FGF14: variants seen among roughly 807,000 people sequenced by gnomAD.
FGF14 encodes the protein fibroblast growth factor homologous factor 4.
A neutral mutation model predicts 25.5 loss-of-function variants in FGF14; 5 were observed. The observed-to-expected ratio is 0.20, with a 90% CI of 0.10 to 0.41. The LOEUF (loss-of-function observed/expected upper bound fraction) is 0.41. Ranked by LOEUF, FGF14 falls within the 10% of genes least tolerant of loss-of-function variation. The pLI is 1.00. For synonymous variants in FGF14, 138 were observed against 118.3 expected, an observed-to-expected ratio of 1.17 and a Z score of -1.08; for missense variants, 222 against 320.1, an observed-to-expected ratio of 0.69 and a Z score of 2.34.
chr13:101,858,850 A>G (rs1302074421), intron 3 of FGF14, among the ~76,000 whole-genome samples: 1 of 152,096 alleles, frequency 6.6e-6, no homozygotes, highest in South Asian at 2.1e-4. Flanking sequence ...TTGCTTTAAA[A>G]CGTTCAAGTT....
chr13:102,185,368 A>G (rs9284192), intron 1 of FGF14, among the ~76,000 whole-genome samples: 4,674 of 152,274 alleles, frequency 0.031, 257 homozygotes, highest in African/African-American at 0.11. Flanking sequence ...TGGAAAGGCC[A>G]CAACACAGTG....
intron 1 of FGF14, among the ~76,000 whole-genome samples, chr13:102,278,855 A>G (rs1325463248): frequency 6.6e-6 from 1 of 152,146 alleles, no homozygotes; most frequent in Admixed American, 6.5e-5. Context: ...GATGAAGTAT[A>G]AACACAGAGC....
chr13:102,015,818 C>T (rs576037879), intron 1 of FGF14, among the ~76,000 whole-genome samples: 1 of 152,250 alleles, frequency 6.6e-6, no homozygotes, highest in East Asian at 1.9e-4. Flanking sequence ...GACTTAAAGA[C>T]ACAATATGCA....
chr13:102,390,068 T>C (rs139844150), intron 1 of FGF14, among the ~76,000 whole-genome samples: 2 of 152,324 alleles, frequency 1.3e-5, no homozygotes, highest in African/African-American at 2.4e-5. Flanking sequence ...GGAAACAATA[T>C]GTTGAGTGAA....
At chr13:102,185,695 A>C (rs951883053) in intron 1 of FGF14, among the ~76,000 whole-genome samples, 2 of 152,198 alleles carry the variant, frequency 1.3e-5, no homozygotes, top group Non-Finnish European at 2.9e-5. Flanking sequence ...TGATATAGTG[A>C]AAGGAGCCCA....
intron 1 of FGF14, among the ~76,000 whole-genome samples, chr13:102,112,720 T>C (rs1432310780): frequency 6.6e-6 from 1 of 152,208 alleles, no homozygotes; most frequent in African/African-American, 2.4e-5. Context: ...TTTATCAAAT[T>C]ATTTGATTTT....
intron 1 of FGF14, among the ~76,000 whole-genome samples, chr13:102,156,854 T>C (rs2047367279): frequency 6.6e-6 from 1 of 152,152 alleles, no homozygotes; most frequent in African/African-American, 2.4e-5. Flanking sequence ...ACAAGCATTC[T>C]TATACACCAA....
intron 2 of FGF14, among the ~76,000 whole-genome samples, chr13:101,871,772 T>A (rs1433881680): frequency 6.6e-6 from 1 of 152,078 alleles, no homozygotes; most frequent in Non-Finnish European, 1.5e-5. Flanking sequence ...ATGAGAGTGG[T>A]AATGAGGTTA....
At chr13:102,113,436 C>A (rs2045325424) in intron 1 of FGF14, among the ~76,000 whole-genome samples, 1 of 152,152 alleles carries the variant, frequency 6.6e-6, no homozygotes, top group African/African-American at 2.4e-5. Context: ...ATACAACACC[C>A]TTCTTTAAAC....
intron 1 of FGF14, among the ~76,000 whole-genome samples, chr13:102,056,480 A>C (rs1387870939): frequency 6.6e-6 from 1 of 152,198 alleles, no homozygotes. Context: ...AATCCTTCTC[A>C]GAGAATATGG....
intron 1 of FGF14, among the ~76,000 whole-genome samples, chr13:102,307,509 A>G (rs1291025668): frequency 6.6e-6 from 1 of 152,194 alleles, no homozygotes; most frequent in East Asian, 1.9e-4. Context: ...AATTCTGTAC[A>G]ATATCCAGAA....
chr13:102,312,716 A>ATTGTT (rs1276274638), intron 1 of FGF14, among the ~76,000 whole-genome samples: 4 of 152,150 alleles, frequency 2.6e-5, no homozygotes, highest in East Asian at 1.9e-4. Flanking sequence ...AAGGAAGTGT[A>ATTGTT]TTGTTTTGTT....
intron 1 of FGF14, among the ~76,000 whole-genome samples, chr13:102,214,832 T>TA (rs1392449544): frequency 6.6e-6 from 1 of 152,172 alleles, no homozygotes; most frequent in Non-Finnish European, 1.5e-5. Context: ...GCCCCGCAGA[T>TA]AAAAAATTAT....
intron 1 of FGF14, among the ~76,000 whole-genome samples, chr13:102,189,557 A>T (rs2049043585): frequency 6.6e-6 from 1 of 152,208 alleles, no homozygotes; most frequent in South Asian, 2.1e-4. Flanking sequence ...GAGTTTGAAT[A>T]AAATAGGTCT....
intron 1 of FGF14, among the ~76,000 whole-genome samples, chr13:101,969,062 G>C (rs1435431801): frequency 1.3e-5 from 2 of 152,288 alleles, no homozygotes; most frequent in South Asian, 2.1e-4. Context: ...AGGATGGTCA[G>C]TGGAAGGGGA....
At chr13:101,820,290 T>A (rs113730736) in intron 3 of FGF14, among the ~76,000 whole-genome samples, 10 of 152,332 alleles carry the variant, frequency 6.6e-5, no homozygotes, top group African/African-American at 2.2e-4. Flanking sequence ...AAGCAAGATT[T>A]CTTTATGCAT....
intron 1 of FGF14, among the ~76,000 whole-genome samples, chr13:102,022,128 AC>A (rs1169498297): frequency 6.6e-6 from 1 of 150,520 alleles, no homozygotes; most frequent in Non-Finnish European, 1.5e-5. Flanking sequence ...CAGCACCCCC[AC>A]CCCCCTTACT....
At chr13:102,086,794 G>A (rs2043928596) in intron 1 of FGF14, among the ~76,000 whole-genome samples, 1 of 152,170 alleles carries the variant, frequency 6.6e-6, no homozygotes, top group African/African-American at 2.4e-5. Flanking sequence ...AATGTGTGAT[G>A]GAATTTCAAT....
intron 3 of FGF14, among the ~76,000 whole-genome samples, chr13:101,798,502 A>G (rs1481040957): frequency 6.6e-6 from 1 of 152,146 alleles, no homozygotes; most frequent in Non-Finnish European, 1.5e-5. Flanking sequence ...TCTAGAAAGT[A>G]ATAGATGAGA....
Sources: gnomAD v4.1 joint callset for allele counts (sites outside exome capture counted in the v4.1 genomes callset) on GRCh38, gnomAD v4.1.1 for gene constraint, MANE v1.5 for transcripts, NCBI Gene and HGNC (gene_info 2026-07-23, HGNC 2026-07-21) for gene names.